The following FRYL variants were observed in gnomAD, a reference collection of about 807,000 sequenced individuals.
FRYL encodes the protein FRY like transcription coactivator.
A neutral mutation model predicts 351.2 loss-of-function variants in FRYL; 150 were observed. The observed-to-expected ratio is 0.43, with a 90% CI of 0.37 to 0.49. The LOEUF (loss-of-function observed/expected upper bound fraction) is 0.49, where lower values mean the gene tolerates loss of function less well. FRYL is among the 20% of genes least tolerant of loss of function. FRYL has a pLI of 0.00. For missense variants in FRYL, 3,036 were observed against 3,619.3 expected (o/e 0.84, Z 4.13); for synonymous variants, 1,153 against 1,257.1 (o/e 0.92, Z 1.75).
chr4:48,582,010 T>C (rs979598531), intron 20 of FRYL, among the ~76,000 whole-genome samples: 1 of 152,140 alleles, frequency 6.6e-6, no homozygotes, highest in Non-Finnish European at 1.5e-5. Context: ...GCATGCTCAT[T>C]AAAGGTTGAG....
In FRYL at chr4:48,590,539, G is replaced by A. The variant is rs558725507; in HGVS notation, c.1507+120C>T. 7.5e-6 allele frequency: 5 copies of A among 667,082 alleles called. No individual in the cohort carries two copies. The Admixed American group carries it at 1.6e-4, about 22-fold the overall frequency. 41.3% of individuals were successfully genotyped at this position (667,082 alleles called of 1,614,324 possible). ...AACCCAGAAGTATTCATTTTGTATG[G>A]CTGTATATACTAGAAAAACCATATT... is the stretch of plus-strand genomic sequence containing the variant. On this transcript the variant is annotated intron_variant, in intron 17 of 63. Transcript: ENST00000358350.
rs544258439 is a variant in FRYL, at chr4:48,597,048, TA to T, written c.1036-1049del. ...ATCCCTGTCTCCACTGCCAGATCCA[TA>T]ATGATCCCAAATTTCAAATATACTC... On this transcript the variant is annotated intron_variant, in intron 13 of 63. Coordinates refer to ENST00000358350, the MANE Select transcript of FRYL (RefSeq NM_015030.2). 5.3e-5 allele frequency among the ~76,000 whole-genome samples: 8 copies of T among 152,308 alleles called. No individual in the cohort carries two copies. In the East Asian group the frequency reaches 1.5e-3, roughly 29 times the overall value.
chr4:48,553,603 A>T (rs1189713381), intron 35 of FRYL, among the ~76,000 whole-genome samples: 1 of 151,566 alleles, frequency 6.6e-6, no homozygotes, highest in East Asian at 1.9e-4. Flanking sequence ...GGGTGAACTG[A>T]GTATGTTTAG....
Position 48,609,400 on chromosome 4 carries a change from G to C in FRYL, c.492-333C>G, listed in dbSNP as rs1578331666. On this transcript the variant is annotated intron_variant, in intron 8 of 63. Transcript: ENST00000358350. The stretch of plus-strand genomic sequence containing the variant: ...TTTGGGAGGCCAAGGCAGGTGGATT[G>C]CTTGGAGCCCAGGAGTTCAAGTCCA... Among the ~76,000 whole-genome samples the C allele has an allele frequency of 4.6e-5, 7 of 152,154 alleles. No homozygotes were observed. In the South Asian group the frequency reaches 1.5e-3, roughly 32 times the overall value.
At chr4:48,520,303 G>C (rs919275836) in intron 55 of FRYL, among the ~76,000 whole-genome samples, 1 of 152,100 alleles carries the variant, frequency 6.6e-6, no homozygotes, top group African/African-American at 2.4e-5. Context: ...ATATGTACAA[G>C]AGTCAGCCTA....
At position 48,578,982 on chromosome 4, in the gene FRYL, A is replaced by G. The variant is rs954448202; in HGVS notation, c.2519T>C (p.Val840Ala). Reference sequence around the variant, plus strand: ...TAGGAAAATAACTTACTTTATATCGACCTGAGGGGACAACAACTGAAGTCT... The same window carrying G: ...TAGGAAAATAACTTACTTTATATCGGCCTGAGGGGACAACAACTGAAGTCT... ...YTRLQLLSPQ[V>A]DINSPINAKK... is the part of the protein sequence containing the mutation. Residue 840 changes from valine to alanine, a missense_variant, in exon 23 of 64, where the codon GTC becomes GCC. Coordinates refer to ENST00000358350, the MANE Select transcript of FRYL (RefSeq NM_015030.2). 33 of 1,606,634 alleles carry G rather than the reference A, an allele frequency of 2.1e-5. No homozygotes were observed. The highest frequency in any genetic ancestry group is 2.6e-5 in the Non-Finnish European group (31 of 1,177,312).
At chr4:48,770,978 C>CT (rs1775454056) in intron 1 of FRYL, among the ~76,000 whole-genome samples, 1 of 151,606 alleles carries the variant, frequency 6.6e-6, no homozygotes, top group African/African-American at 2.4e-5. Context: ...AAGCACAGTT[C>CT]TTTTTTTGTT....
intron 3 of FRYL, among the ~76,000 whole-genome samples, chr4:48,665,475 A>G (rs1761541557): frequency 6.6e-6 from 1 of 152,234 alleles, no homozygotes; most frequent in Non-Finnish European, 1.5e-5. Flanking sequence ...ATTAAAATCC[A>G]GATTTTAAAA....
rs1409487792 is a variant in FRYL, at chr4:48,684,798, G to A, written c.-203-3C>T. On this transcript the variant is annotated splice_region_variant and splice_polypyrimidine_tract_variant and intron_variant, in intron 2 of 63. Transcript: ENST00000358350. ...GATACCAATAAATGGCTTCAGCTCT[G>A]AGGAAAAACAAAATACATTTACACG... 2 of 152,124 alleles carry A rather than the reference G, an allele frequency of 1.3e-5. No individual in the cohort carries two copies. Among genetic ancestry groups the A allele is most frequent in the African/African-American group, 4.8e-5 (2 of 41,422 alleles). The allele number at this position is 152,124 out of a possible 1,614,324, so 9.4% of individuals were successfully genotyped here. A position where few individuals can be genotyped will look rare whatever the true frequency, so the allele number is the denominator to read the frequency against.
At position 48,565,060 on chromosome 4, in the gene FRYL, T is replaced by C. The variant is rs1247669979; in HGVS notation, c.3331-17A>G. On this transcript the variant is annotated splice_polypyrimidine_tract_variant and intron_variant, in intron 29 of 63. Coordinates refer to ENST00000358350, the MANE Select transcript of FRYL (RefSeq NM_015030.2). ...AGACATAGCCTTCAAATAATAATATTAGAATTACATTTAACAAATTTAAGA... is the reference window on the plus strand; with the variant it reads ...AGACATAGCCTTCAAATAATAATATCAGAATTACATTTAACAAATTTAAGA... 5.0e-6 allele frequency: 7 copies of C among 1,392,462 alleles called. No individual in the cohort carries two copies. The highest frequency in any genetic ancestry group is 1.8e-4 in the Middle Eastern group (1 of 5,474). The allele number at this position is 1,392,462 out of a possible 1,614,324, so 86.3% of individuals were successfully genotyped here. A position where few individuals can be genotyped will look rare whatever the true frequency, so the allele number is the denominator to read the frequency against.
intron 38 of FRYL, among the ~76,000 whole-genome samples, chr4:48,550,312 AT>A (rs2148985432): frequency 6.6e-6 from 1 of 152,216 alleles, no homozygotes; most frequent in East Asian, 1.9e-4. Flanking sequence ...GCTAAAAAAA[AT>A]CAGCCTGTTT....
intron 1 of FRYL, among the ~76,000 whole-genome samples, chr4:48,728,979 G>A (rs943175798): frequency 4.6e-5 from 7 of 152,222 alleles, no homozygotes; most frequent in East Asian, 3.8e-4. Flanking sequence ...AAGGGAAGCC[G>A]TGAGTGACTG....
At chr4:48,625,717 C>T (rs1751656679) in intron 4 of FRYL, among the ~76,000 whole-genome samples, 1 of 152,034 alleles carries the variant, frequency 6.6e-6, no homozygotes, top group Admixed American at 6.6e-5. Flanking sequence ...TTGGCACAAT[C>T]CCCCATGGAT....
rs1364393305 is a variant in FRYL, at chr4:48,497,539, CATTCTTT to C, written c.*1876_*1882del. 9.8e-5 allele frequency: 15 copies of C among 152,622 alleles called. No homozygotes were observed. The highest frequency in any genetic ancestry group is 3.6e-4 in the African/African-American group (15 of 41,458). The allele number at this position is 152,622 out of a possible 1,614,324, so 9.5% of individuals were successfully genotyped here. On this transcript the variant is annotated 3_prime_UTR_variant, in exon 64 of 64. Transcript: ENST00000358350. ...CTAAATGATGCACACTGTAATCATT[CATTCTTT>C]GTTAAAATACAACACAAACCAACAG...
At chr4:48,744,885 G>C (rs1772494787) in intron 1 of FRYL, among the ~76,000 whole-genome samples, 2 of 152,270 alleles carry the variant, frequency 1.3e-5, no homozygotes, top group African/African-American at 4.8e-5. Context: ...CACTCAATAT[G>C]AAAAACAGAC....
At chr4:48,672,612 T>C (rs767601565) in intron 3 of FRYL, among the ~76,000 whole-genome samples, 6 of 152,244 alleles carry the variant, frequency 3.9e-5, no homozygotes, top group Non-Finnish European at 7.3e-5. Context: ...GAAAGTTCCA[T>C]AGCAAACTGA....
intron 29 of FRYL, 41 bp downstream of exon 29, chr4:48,565,485 TAACTC>T: frequency 2.1e-6 from 3 of 1,432,314 alleles, no homozygotes; most frequent in Non-Finnish European, 2.8e-6. Context: ...TAAAAATACT[TAACTC>T]TGCTCTTAAG....
At chr4:48,515,314 T>C (rs1723338271) in intron 55 of FRYL, 39 bp from the exon 56 acceptor site, 1 of 1,457,196 alleles carries the variant, frequency 6.9e-7, no homozygotes, top group East Asian at 2.3e-5. Flanking sequence ...TATAAACACA[T>C]AAAAAAAGAA....
intron 2 of FRYL, among the ~76,000 whole-genome samples, chr4:48,705,959 C>G (rs1186545278): frequency 1.3e-5 from 2 of 152,126 alleles, no homozygotes; most frequent in African/African-American, 2.4e-5. Context: ...GCCTCAGCCT[C>G]CTGAGTAGCT....
Sources: gnomAD v4.1 joint callset for allele counts (sites outside exome capture counted in the v4.1 genomes callset) on GRCh38, gnomAD v4.1.1 for gene constraint, MANE v1.5 for transcripts, NCBI Gene and HGNC (gene_info 2026-07-23, HGNC 2026-07-21) for gene names.